Variants in THRB observed in about 807,000 individuals in gnomAD.
The protein encoded by THRB is thyroid hormone receptor beta.
Under a neutral mutation model 47.8 loss-of-function variants are expected in THRB, and 12 were observed. That is an observed-to-expected ratio of 0.25 (90% CI 0.16 to 0.41). THRB has a LOEUF of 0.41. Ranked by LOEUF, THRB falls within the 10% of genes least tolerant of loss-of-function variation. The probability of loss-of-function intolerance (pLI) is 1.00; values close to 1 mark genes in which losing one functional copy is unlikely to be tolerated. For synonymous variants in THRB, 218 were observed against 212.2 expected (o/e 1.03, Z -0.24); for missense variants, 348 against 589.2 (o/e 0.59, Z 4.24).
chr3:24,455,578 A>G (rs2073093262), intron 1 of THRB: 1 of 152,232 alleles, frequency 6.6e-6, no homozygotes, highest in Admixed American at 6.5e-5. Context: ...ACTTTTAAAA[A>G]TAATCAGACT....
intron 3 of THRB, among the ~76,000 whole-genome samples, chr3:24,260,070 A>C (rs1487959684): frequency 6.6e-6 from 1 of 152,140 alleles, no homozygotes; most frequent in Non-Finnish European, 1.5e-5. Context: ...CCTCAACCCT[A>C]AGCAACCACT....
chr3:24,322,560 G>A (rs890228124), intron 2 of THRB, among the ~76,000 whole-genome samples: 1 of 152,214 alleles, frequency 6.6e-6, no homozygotes, highest in Non-Finnish European at 1.5e-5. Context: ...TGCCTGGACA[G>A]AAGCTTTCAT....
At chr3:24,336,722 C>CCTTT (rs1167185445) in intron 2 of THRB, among the ~76,000 whole-genome samples, 3 of 135,960 alleles carry the variant, frequency 2.2e-5, no homozygotes, top group South Asian at 2.4e-4. Flanking sequence ...AATTCTCATG[C>CCTTT]TTTTTTTTTT....
chr3:24,309,787 T>C (rs988795724), intron 2 of THRB, among the ~76,000 whole-genome samples: 1 of 152,180 alleles, frequency 6.6e-6, no homozygotes, highest in Non-Finnish European at 1.5e-5. Context: ...TGTTCAGCAA[T>C]GCACAGAATT....
In THRB at chr3:24,122,648, C is replaced by G; in HGVS notation, c.*236G>C. On this transcript the variant is annotated 3_prime_UTR_variant, in exon 11 of 11. Transcript: ENST00000646209. Reference sequence around the variant, plus strand: ...TTAATGATTGTCCCCCACCCCACCTCCACAACCATAAAACCTTCAGAGCAT... The same window carrying G: ...TTAATGATTGTCCCCCACCCCACCTGCACAACCATAAAACCTTCAGAGCAT... 1 of 568,246 alleles carries G rather than the reference C, an allele frequency of 1.8e-6. No individual in the cohort carries two copies. The highest frequency in any genetic ancestry group is 3.1e-6 in the Non-Finnish European group (1 of 321,332). 35.2% of individuals were successfully genotyped at this position (568,246 alleles called of 1,614,324 possible).
intron 3 of THRB, among the ~76,000 whole-genome samples, chr3:24,239,405 G>C (rs1206864928): frequency 6.6e-6 from 1 of 152,084 alleles, no homozygotes; most frequent in Non-Finnish European, 1.5e-5. Flanking sequence ...GAATGCACCA[G>C]AGCAATTAGA....
chr3:24,292,318 C>T (rs1327487239), intron 3 of THRB, among the ~76,000 whole-genome samples: 1 of 152,086 alleles, frequency 6.6e-6, no homozygotes, highest in Non-Finnish European at 1.5e-5. Context: ...CTATTTTTAC[C>T]ATAAACATGG....
At chr3:24,227,171 C>G (rs894048665) in intron 4 of THRB, among the ~76,000 whole-genome samples, 1 of 152,166 alleles carries the variant, frequency 6.6e-6, no homozygotes, top group Non-Finnish European at 1.5e-5. Flanking sequence ...GAGTAGAGAG[C>G]CATCCTTATA....
intron 1 of THRB, among the ~76,000 whole-genome samples, chr3:24,362,207 G>A (rs1324523736): frequency 1.3e-5 from 2 of 151,962 alleles, no homozygotes; most frequent in Non-Finnish European, 2.9e-5. Context: ...TGCCACAGGC[G>A]AAGTCCCTTT....
intron 2 of THRB, among the ~76,000 whole-genome samples, chr3:24,316,952 C>A (rs929246957): frequency 6.6e-6 from 1 of 152,270 alleles, no homozygotes; most frequent in Middle Eastern, 3.4e-3. Flanking sequence ...CTTCCTCAGG[C>A]AAAGTTAGTG....
In THRB at chr3:24,407,665, C is replaced by T. The variant is rs577527417; in HGVS notation, c.-260-70294G>A. Among the ~76,000 whole-genome samples, 6 of 151,912 alleles carry T rather than the reference C, an allele frequency of 3.9e-5. No individual in the cohort carries two copies. The South Asian group carries it at 1.0e-3, about 26-fold the overall frequency. The stretch of plus-strand genomic sequence containing the variant: ...CTTACTGGGTCATTGAGAACTGTTG[C>T]GTTGGATAATCTCAAAGGCATTTTC... On this transcript the variant is annotated intron_variant, in intron 1 of 10. Coordinates refer to ENST00000646209, the MANE Select transcript of THRB (RefSeq NM_001354712.2).
At chr3:24,224,474 G>A (rs1280818539) in intron 4 of THRB, among the ~76,000 whole-genome samples, 2 of 152,034 alleles carry the variant, frequency 1.3e-5, no homozygotes, top group Non-Finnish European at 2.9e-5. Context: ...TGAAACCATG[G>A]AAAGCCATTC....
intron 3 of THRB, among the ~76,000 whole-genome samples, chr3:24,287,799 T>A (rs2055478622): frequency 6.6e-6 from 1 of 152,214 alleles, no homozygotes; most frequent in South Asian, 2.1e-4. Flanking sequence ...CTGGACTGAT[T>A]AGATCCAGTT....
chr3:24,330,423 A>G (rs2061852789), intron 2 of THRB, among the ~76,000 whole-genome samples: 1 of 152,236 alleles, frequency 6.6e-6, no homozygotes, highest in Admixed American at 6.5e-5. Context: ...TCAGACATTC[A>G]AGGTATATAA....
intron 1 of THRB, among the ~76,000 whole-genome samples, chr3:24,358,076 G>T (rs1481421539): frequency 6.6e-6 from 1 of 152,132 alleles, no homozygotes; most frequent in Non-Finnish European, 1.5e-5. Context: ...ACAGTGACTG[G>T]TTCCTGGTAG....
chr3:24,208,068 C>A (rs1461719432), intron 4 of THRB, among the ~76,000 whole-genome samples: 3 of 151,954 alleles, frequency 2.0e-5, no homozygotes, highest in African/African-American at 7.3e-5. Context: ...AAACAGAGAG[C>A]CAAATCATGA....
At chr3:24,177,107 C>G (rs1269904808) in intron 5 of THRB, among the ~76,000 whole-genome samples, 2 of 152,130 alleles carry the variant, frequency 1.3e-5, no homozygotes, top group Non-Finnish European at 2.9e-5. Context: ...AGAAGGAAGA[C>G]CTGGCCCTGA....
intron 1 of THRB, among the ~76,000 whole-genome samples, chr3:24,362,401 C>T (rs1325492559): frequency 2.0e-5 from 3 of 152,158 alleles, no homozygotes; most frequent in Non-Finnish European, 2.9e-5. Context: ...TGCTCTTCCC[C>T]TAGATATGCA....
intron 7 of THRB, 81 bp downstream of exon 7, chr3:24,146,594 T>C: frequency 6.8e-7 from 1 of 1,478,234 alleles, no homozygotes; most frequent in Non-Finnish European, 9.4e-7. Flanking sequence ...CTGCCTTCTT[T>C]TCTGCCCAGT....
Sources: gnomAD v4.1 joint callset for allele counts (sites outside exome capture counted in the v4.1 genomes callset) on GRCh38, gnomAD v4.1.1 for gene constraint, MANE v1.5 for transcripts, NCBI Gene and HGNC (gene_info 2026-07-23, HGNC 2026-07-21) for gene names.